Variants in NTM observed in about 807,000 individuals in gnomAD.
NTM encodes the protein neurotrimin.
A neutral mutation model predicts 42.1 loss-of-function variants in NTM; 13 were observed. The ratio of observed to expected loss-of-function variants is 0.31; its 90% confidence interval spans 0.20 to 0.49. The LOEUF is 0.49. NTM is among the 20% of genes least tolerant of loss of function. The probability of loss-of-function intolerance (pLI) is 0.99; values close to 1 mark genes in which losing one functional copy is unlikely to be tolerated. For missense variants in NTM, 373 were observed against 452.8 expected (o/e 0.82, Z 1.60); for synonymous variants, 187 against 179.2 (o/e 1.04, Z -0.35).
intron 1 of NTM, chr11:131,660,147 G>A (rs1001675965): frequency 5.3e-6 from 1 of 188,878 alleles, no homozygotes; most frequent in Non-Finnish European, 1.2e-5. Context: ...GCAAGGCGGG[G>A]ACTCAGTATC....
intron 1 of NTM, among the ~76,000 whole-genome samples, chr11:131,729,834 T>A (rs1330882682): frequency 6.6e-6 from 1 of 152,230 alleles, no homozygotes. Flanking sequence ...TCAATTGAAA[T>A]TGTTATCAGT....
chr11:131,816,636 G>A (rs73579941), intron 1 of NTM, among the ~76,000 whole-genome samples: 102 of 151,914 alleles, frequency 6.7e-4, no homozygotes, highest in African/African-American at 2.2e-3. Flanking sequence ...TCCCCAAATC[G>A]TACACCTCTA....
At chr11:131,838,053 C>T (rs1472334630) in intron 1 of NTM, among the ~76,000 whole-genome samples, 2 of 152,064 alleles carry the variant, frequency 1.3e-5, no homozygotes, top group Non-Finnish European at 1.5e-5. Context: ...GAAACATCTC[C>T]CAGCCATCTG....
At chr11:132,300,795 G>C (rs1017524756) in intron 4 of NTM, among the ~76,000 whole-genome samples, 6 of 152,182 alleles carry the variant, frequency 3.9e-5, no homozygotes, top group African/African-American at 1.2e-4. Flanking sequence ...ACTGGCTCTG[G>C]TATTTCTTGG....
intron 1 of NTM, among the ~76,000 whole-genome samples, chr11:131,659,478 G>A (rs945232996): frequency 2.6e-5 from 4 of 152,180 alleles, no homozygotes; most frequent in Non-Finnish European, 5.9e-5. Context: ...GGGCATGGTG[G>A]CCGGGCCATC....
At chr11:132,090,498 G>A (rs1277017127) in intron 2 of NTM, among the ~76,000 whole-genome samples, 1 of 151,996 alleles carries the variant, frequency 6.6e-6, no homozygotes, top group Non-Finnish European at 1.5e-5. Flanking sequence ...GCCATCTATG[G>A]TTACCCTCTG....
intron 3 of NTM, among the ~76,000 whole-genome samples, chr11:132,202,330 G>A (rs554125728): frequency 5.3e-5 from 8 of 152,278 alleles, no homozygotes; most frequent in African/African-American, 1.7e-4. Flanking sequence ...GGAATAGAAG[G>A]TGTTTGGTGT....
chr11:131,544,732 C>T (rs972792781), intron 1 of NTM, among the ~76,000 whole-genome samples: 3 of 152,174 alleles, frequency 2.0e-5, no homozygotes, highest in African/African-American at 2.4e-5. Flanking sequence ...TTTCCTGCTC[C>T]GCAGCCCTGG....
intron 4 of NTM, among the ~76,000 whole-genome samples, chr11:132,215,331 G>A (rs1273025410): frequency 6.6e-6 from 1 of 152,272 alleles, no homozygotes. Context: ...TCTCCAGACT[G>A]ATCTGTTTGT....
chr11:132,109,855 C>G (rs1439917955), intron 2 of NTM, among the ~76,000 whole-genome samples: 1 of 152,218 alleles, frequency 6.6e-6, no homozygotes, highest in Non-Finnish European at 1.5e-5. Context: ...TTGGCATCCT[C>G]ATAGCTTAGT....
At chr11:131,778,693 C>A (rs2087504946) in intron 1 of NTM, among the ~76,000 whole-genome samples, 3 of 152,164 alleles carry the variant, frequency 2.0e-5, no homozygotes, top group African/African-American at 7.2e-5. Context: ...CTCATTCTAT[C>A]TTCCTCTTCA....
At chr11:131,606,254 G>A (rs1369635693) in intron 1 of NTM, among the ~76,000 whole-genome samples, 1 of 152,088 alleles carries the variant, frequency 6.6e-6, no homozygotes, top group East Asian at 1.9e-4. Context: ...TAGGCTCTCA[G>A]CATGTTGTGC....
At chr11:131,431,675 C>T (rs1022036136) in intron 1 of NTM, among the ~76,000 whole-genome samples, 1 of 152,234 alleles carries the variant, frequency 6.6e-6, no homozygotes, top group South Asian at 2.1e-4. Flanking sequence ...TCATCTGTTG[C>T]TCACAACCAC....
chr11:131,674,690 C>A (rs1458001101), intron 1 of NTM, among the ~76,000 whole-genome samples: 1 of 152,162 alleles, frequency 6.6e-6, no homozygotes, highest in East Asian at 1.9e-4. Context: ...TTTGCAGTTA[C>A]AAGAATATTG....
intron 1 of NTM, among the ~76,000 whole-genome samples, chr11:131,432,160 T>C (rs535692769): frequency 1.6e-4 from 24 of 152,096 alleles, no homozygotes; most frequent in Non-Finnish European, 3.2e-4. Flanking sequence ...GAGTACTACA[T>C]TCCTCCTTAA....
intron 1 of NTM, chr11:131,795,847 T>C (rs2091492079): frequency 2.0e-6 from 2 of 985,222 alleles, no homozygotes; most frequent in Non-Finnish European, 2.4e-6. Context: ...ATGGCAAGAA[T>C]GCACAGGGTG....
intron 2 of NTM, among the ~76,000 whole-genome samples, chr11:132,022,694 A>T (rs2074531857): frequency 6.6e-6 from 1 of 152,248 alleles, no homozygotes; most frequent in Non-Finnish European, 1.5e-5. Flanking sequence ...CAGGGGAAAC[A>T]TTCCACAGAC....
At chr11:131,665,901 C>G (rs994252415) in intron 1 of NTM, among the ~76,000 whole-genome samples, 3 of 152,160 alleles carry the variant, frequency 2.0e-5, no homozygotes, top group Non-Finnish European at 4.4e-5. Context: ...ATATATATCT[C>G]ATTGCTGTTT....
At position 131,605,658 on chromosome 11, in the gene NTM, G is replaced by A. The variant is rs919524870; in HGVS notation, c.82+234770G>A. Reference sequence around the variant, plus strand: ...GTTTTACTCTCTCCCCAGTAAGTATGATGTTAACCCTGGGTGGTTTGTATG... The same window carrying A: ...GTTTTACTCTCTCCCCAGTAAGTATAATGTTAACCCTGGGTGGTTTGTATG... On this transcript the variant is annotated intron_variant, in intron 1 of 8. Coordinates refer to ENST00000683400, the MANE Select transcript of NTM (RefSeq NM_001352005.2). 13 of 243,068 alleles carry A rather than the reference G, an allele frequency of 5.3e-5. No individual in the cohort carries two copies. In the South Asian group the frequency reaches 1.2e-3, roughly 23 times the overall value. 15.1% of individuals were successfully genotyped at this position (243,068 alleles called of 1,614,324 possible).
Sources: allele counts gnomAD v4.1 joint callset (sites outside exome capture counted in the v4.1 genomes callset), GRCh38; gene constraint gnomAD v4.1.1; transcripts MANE v1.5; gene names NCBI Gene and HGNC (gene_info 2026-07-23, HGNC 2026-07-21).